The following EZH2 variants were observed in gnomAD, a reference collection of about 807,000 sequenced individuals.
EZH2 encodes enhancer of zeste 2 polycomb repressive complex 2 subunit.
EZH2 carries 18 observed loss-of-function variants against 98.4 expected under a neutral mutation model. The ratio of observed to expected loss-of-function variants is 0.18; its 90% CI spans 0.13 to 0.27. EZH2 has a LOEUF of 0.27. Among genes scored for constraint, EZH2 ranks in the 10% least tolerant of loss-of-function variants. The pLI is 1.00. For synonymous variants in EZH2, 338 were observed against 312.3 expected, an observed-to-expected ratio of 1.08 and a Z score of -0.87; for missense variants, 470 against 935.1, an observed-to-expected ratio of 0.50 and a Z score of 6.49.
chr7:148,851,553 C>G (rs547663258), intron 1 of EZH2, among the ~76,000 whole-genome samples: 1 of 152,098 alleles, frequency 6.6e-6, no homozygotes, highest in Non-Finnish European at 1.5e-5. Context: ...AACACCACAG[C>G]CAAGTAAGCA....
chr7:148,868,676 C>T (rs182786071), intron 1 of EZH2, among the ~76,000 whole-genome samples: 102 of 152,264 alleles, frequency 6.7e-4, no homozygotes, highest in African/African-American at 2.3e-3. Context: ...CATTAAGAAT[C>T]TATAGCCTCT....
intron 1 of EZH2, among the ~76,000 whole-genome samples, chr7:148,868,567 T>C (rs1158245080): frequency 6.6e-6 from 1 of 152,120 alleles, no homozygotes; most frequent in African/African-American, 2.4e-5. Context: ...GATTACAATT[T>C]GACGCGTGAT....
At chr7:148,874,343 G>C (rs1819880931) in intron 1 of EZH2, among the ~76,000 whole-genome samples, 1 of 152,092 alleles carries the variant, frequency 6.6e-6, no homozygotes, top group Non-Finnish European at 1.5e-5. Flanking sequence ...AGCCAAGATT[G>C]TGCCACTGAA....
At chr7:148,871,321 A>T (rs1819347558) in intron 1 of EZH2, among the ~76,000 whole-genome samples, 1 of 151,312 alleles carries the variant, frequency 6.6e-6, no homozygotes, top group Non-Finnish European at 1.5e-5. Flanking sequence ...CTACCATATG[A>T]TCCAGCAATC....
At chr7:148,822,257 CTCAGCACTT>C (rs1806344833) in intron 8 of EZH2, among the ~76,000 whole-genome samples, 2 of 152,226 alleles carry the variant, frequency 1.3e-5, no homozygotes, top group East Asian at 3.9e-4. Flanking sequence ...CACCTGTAAT[CTCAGCACTT>C]TCAGAGGCTG....
At chr7:148,857,134 A>T (rs147127074) in intron 1 of EZH2, among the ~76,000 whole-genome samples, 1 of 152,272 alleles carries the variant, frequency 6.6e-6, no homozygotes, top group African/African-American at 2.4e-5. Flanking sequence ...CAGCCTAATC[A>T]TAAGAAAACA....
chr7:148,809,365 C>T lies in EZH2; in HGVS notation c.2055G>A (p.Lys685=). ...NNDFVVDATR[K]GNKIRFANHS... ...GATTTGCAAAACGAATTTTGTTACC[C>T]TTGCGGGTTGCATCCACCACAAAAT... Residue 685 remains lysine (K), a synonymous_variant, in exon 18 of 20, where the codon AAG becomes AAA. Transcript: ENST00000320356. The T allele has an allele frequency of 6.2e-7, 1 of 1,602,144 alleles. No individual in the cohort carries two copies.
At chr7:148,878,890 C>G (rs138262318) in intron 1 of EZH2, among the ~76,000 whole-genome samples, 3 of 147,820 alleles carry the variant, frequency 2.0e-5, no homozygotes, top group Non-Finnish European at 4.5e-5. Flanking sequence ...CAACAAGACC[C>G]TGTCTCCAAA....
intron 14 of EZH2, 68 bp from the exon 15 acceptor site, chr7:148,814,205 C>A: frequency 6.8e-7 from 1 of 1,472,982 alleles, no homozygotes; most frequent in Non-Finnish European, 9.4e-7. Context: ...AGATACGTGG[C>A]AAGGGCTGTA....
At chr7:148,838,063 CTTTTTTT>C (rs35838307) in intron 3 of EZH2, among the ~76,000 whole-genome samples, 36 of 100,530 alleles carry the variant, frequency 3.6e-4, no homozygotes, top group African/African-American at 1.3e-3. Context: ...GTTTAGACTC[CTTTTTTT>C]TTTTTTTTTT....
At chr7:148,823,803 A>G (rs955379190) in intron 8 of EZH2, among the ~76,000 whole-genome samples, 1 of 152,122 alleles carries the variant, frequency 6.6e-6, no homozygotes, top group African/African-American at 2.4e-5. Context: ...AGGATGAGCC[A>G]CCGCGCCCAG....
intron 3 of EZH2, among the ~76,000 whole-genome samples, chr7:148,839,143 G>C (rs1811755024): frequency 6.6e-6 from 1 of 151,230 alleles, no homozygotes; most frequent in Non-Finnish European, 1.5e-5. Flanking sequence ...TGTGGTTTCT[G>C]AAGGGAAACA....
intron 8 of EZH2, among the ~76,000 whole-genome samples, chr7:148,820,245 C>CA (rs1326312625): frequency 6.6e-6 from 1 of 151,748 alleles, no homozygotes; most frequent in Non-Finnish European, 1.5e-5. Context: ...ATTACAATGT[C>CA]AAAAAAACGG....
chr7:148,829,377 C>A (rs978047783), intron 5 of EZH2, among the ~76,000 whole-genome samples: 1 of 152,056 alleles, frequency 6.6e-6, no homozygotes, highest in Middle Eastern at 3.2e-3. Context: ...GCTGTTGGAG[C>A]CCCTATATGC....
chr7:148,819,341 G>T (rs1485596163), intron 9 of EZH2, among the ~76,000 whole-genome samples: 4 of 152,192 alleles, frequency 2.6e-5, no homozygotes, highest in Non-Finnish European at 4.4e-5. Flanking sequence ...AGGCATAAAA[G>T]TCCTTGATCC....
At chr7:148,812,930 A>G (rs1490486488) in intron 15 of EZH2, among the ~76,000 whole-genome samples, 1 of 152,246 alleles carries the variant, frequency 6.6e-6, no homozygotes, top group Admixed American at 6.5e-5. Flanking sequence ...CAAAACCAAG[A>G]GAACTTCAAT....
At chr7:148,880,744 C>T (rs1422334163) in intron 1 of EZH2, among the ~76,000 whole-genome samples, 3 of 152,170 alleles carry the variant, frequency 2.0e-5, no homozygotes, top group African/African-American at 7.2e-5. Context: ...CAAATTATTT[C>T]CCTACATTTT....
intron 4 of EZH2, among the ~76,000 whole-genome samples, chr7:148,832,235 G>A (rs1038470624): frequency 1.3e-5 from 2 of 151,922 alleles, no homozygotes; most frequent in African/African-American, 4.8e-5. Context: ...ACAGACATGC[G>A]CCACACCCAG....
chr7:148,877,859 C>T (rs546689946), intron 1 of EZH2, among the ~76,000 whole-genome samples: 3 of 152,314 alleles, frequency 2.0e-5, no homozygotes, highest in African/African-American at 7.2e-5. Flanking sequence ...GCTGACATAT[C>T]TTTAATCACC....
Sources: allele counts gnomAD v4.1 joint callset (sites outside exome capture counted in the v4.1 genomes callset), GRCh38; gene constraint gnomAD v4.1.1; transcripts MANE v1.5; gene names NCBI Gene and HGNC (gene_info 2026-07-23, HGNC 2026-07-21).